Variants in GREB1L observed in about 807,000 individuals in gnomAD.
GREB1L encodes GREB1-like protein.
A neutral mutation model predicts 200.8 loss-of-function variants in GREB1L; 17 were observed. The observed-to-expected ratio is 0.08, with a 90% CI of 0.06 to 0.13. The LOEUF (loss-of-function observed/expected upper bound fraction) is 0.13. GREB1L is among the 10% of genes least tolerant of loss of function. The pLI is 1.00. For synonymous variants in GREB1L, 789 were observed against 893.0 expected (o/e 0.88, Z 2.08); for missense variants, 1,657 against 2,367.7 (o/e 0.70, Z 6.23).
intron 1 of GREB1L, among the ~76,000 whole-genome samples, chr18:21,275,955 A>G: frequency 6.6e-6 from 1 of 152,142 alleles, no homozygotes; most frequent in East Asian, 1.9e-4. Flanking sequence ...TATAAAGAAA[A>G]ATCCACTGTT....
At chr18:21,431,202 T>G (rs2033126199) in intron 7 of GREB1L, among the ~76,000 whole-genome samples, 1 of 151,864 alleles carries the variant, frequency 6.6e-6, no homozygotes, top group African/African-American at 2.4e-5. Context: ...TTTTGTATTT[T>G]TTAGTAGAGA....
At chr18:21,245,586 C>A (rs1422252191) in intron 1 of GREB1L, among the ~76,000 whole-genome samples, 7 of 152,106 alleles carry the variant, frequency 4.6e-5, no homozygotes, top group Non-Finnish European at 7.3e-5. Flanking sequence ...CTATAGCTTA[C>A]TTCCCATTAT....
intron 6 of GREB1L, among the ~76,000 whole-genome samples, chr18:21,402,960 T>C (rs2041379960): frequency 6.6e-6 from 1 of 151,794 alleles, no homozygotes. Context: ...TATGCGTATA[T>C]TACCTATTGG....
intron 7 of GREB1L, among the ~76,000 whole-genome samples, chr18:21,439,261 C>T (rs1235520909): frequency 6.6e-6 from 1 of 152,160 alleles, no homozygotes; most frequent in Non-Finnish European, 1.5e-5. Flanking sequence ...CTTCCTCCCA[C>T]CCATCATCTC....
intron 15 of GREB1L, among the ~76,000 whole-genome samples, chr18:21,458,408 C>T (rs1469979495): frequency 1.3e-5 from 2 of 152,232 alleles, no homozygotes; most frequent in East Asian, 1.9e-4. Context: ...GAAACAGTGT[C>T]CAAGGTCTCT....
At position 21,500,599 on chromosome 18, in the gene GREB1L, G is replaced by C. The variant is rs2036746801; in HGVS notation, c.4029G>C (p.Arg1343Ser). 1 of 1,551,350 alleles carries C rather than the reference G, an allele frequency of 6.4e-7. No individual in the cohort carries two copies. Among genetic ancestry groups the C allele is most frequent in the Non-Finnish European group, 8.7e-7 (1 of 1,146,934 alleles). The stretch of plus-strand genomic sequence containing the variant: ...GGATCCTCTTCCGCATGCTCATCAG[G>C]CTCCTGGAGGTGGACGTGTATGATG... ...FLRILFRMLI[R>S]LLEVDVYDEE... Residue 1343 changes from arginine (R) to serine (S), a missense_variant, in exon 23 of 33, where the codon AGG (arginine) becomes AGC (serine). This residue lies in a region of GREB1L where 512 missense variants were observed against 668.3 expected (regional missense o/e 0.77). Coordinates refer to ENST00000424526, the MANE Select transcript of GREB1L (RefSeq NM_001142966.3).
At chr18:21,453,676 A>G (rs1464409670) in intron 14 of GREB1L, among the ~76,000 whole-genome samples, 1 of 152,196 alleles carries the variant, frequency 6.6e-6, no homozygotes, top group South Asian at 2.1e-4. Flanking sequence ...CCAGCTGGCT[A>G]TGTCATGAGT....
intron 1 of GREB1L, among the ~76,000 whole-genome samples, chr18:21,292,195 A>G (rs1182647337): frequency 6.6e-6 from 1 of 152,202 alleles, no homozygotes; most frequent in Non-Finnish European, 1.5e-5. Flanking sequence ...TGCTACTGGC[A>G]TCAATAAGTA....
intron 1 of GREB1L, among the ~76,000 whole-genome samples, chr18:21,334,583 G>C (rs1289763097): frequency 6.6e-6 from 1 of 152,066 alleles, no homozygotes; most frequent in Non-Finnish European, 1.5e-5. Context: ...GGCTAACACA[G>C]TGAAACCCCG....
chr18:21,515,551 A>C lies in GREB1L; in HGVS notation c.5036A>C (p.Gln1679Pro). 2 of 1,551,702 alleles carry C rather than the reference A, an allele frequency of 1.3e-6. No individual in the cohort carries two copies. Among genetic ancestry groups the C allele is most frequent in the Non-Finnish European group, 1.7e-6 (2 of 1,146,964 alleles). The change falls in exon 29 of 33, where the codon CAG (glutamine) becomes CCG (proline). Residue 1679 changes from glutamine to proline, a missense_variant. Coordinates refer to ENST00000424526, the MANE Select transcript of GREB1L (RefSeq NM_001142966.3). ...IQKWSSKLTS[Q>P]SLKAPFSRCH... ...AAATGGAGCAGCAAGCTGACTTCTC[A>C]GAGCCTAAAGGCCCCATTCTCTAGG...
intron 25 of GREB1L, 127 bp downstream of exon 25, chr18:21,506,076 A>G (rs2037004062): frequency 1.0e-6 from 1 of 1,002,380 alleles, no homozygotes; most frequent in African/African-American, 1.6e-5. Context: ...GTTTACTCAT[A>G]AGAAGGAGCC....
At position 21,490,357 on chromosome 18, in the gene GREB1L, CA is replaced by C. The variant is rs1339770800; in HGVS notation, c.3030+8del. 5 of 1,545,582 alleles carry C rather than the reference CA, an allele frequency of 3.2e-6. No individual in the cohort carries two copies. Among genetic ancestry groups the C allele is most frequent in the Non-Finnish European group, 4.4e-6 (5 of 1,142,004 alleles). Reference sequence around the variant, plus strand: ...ACTTTGTGGCGCGATTAAAGGTTAGCAATGGACAGACATTTCTCCTTTAAAA... The same window carrying C: ...ACTTTGTGGCGCGATTAAAGGTTAGCATGGACAGACATTTCTCCTTTAAAA... On this transcript the variant is annotated splice_region_variant and intron_variant, in intron 19 of 32. Coordinates refer to ENST00000424526, the MANE Select transcript of GREB1L (RefSeq NM_001142966.3).
intron 1 of GREB1L, among the ~76,000 whole-genome samples, chr18:21,264,445 G>C (rs1267506380): frequency 6.6e-6 from 1 of 152,126 alleles, no homozygotes; most frequent in East Asian, 1.9e-4. Context: ...AAATGCATGA[G>C]TAGTTTGGAT....
chr18:21,338,926 C>T (rs558245807), intron 1 of GREB1L, among the ~76,000 whole-genome samples: 16 of 152,346 alleles, frequency 1.1e-4, no homozygotes, highest in African/African-American at 2.9e-4. Context: ...CAGTGGCTTA[C>T]GCCTGTAATC....
At chr18:21,413,782 T>C (rs2031336217) in intron 7 of GREB1L, among the ~76,000 whole-genome samples, 1 of 152,230 alleles carries the variant, frequency 6.6e-6, no homozygotes, top group African/African-American at 2.4e-5. Context: ...GTGAGACTTC[T>C]ATTCCTGCTA....
At chr18:21,400,842 A>G (rs965945003) in intron 5 of GREB1L, among the ~76,000 whole-genome samples, 3 of 152,164 alleles carry the variant, frequency 2.0e-5, no homozygotes, top group Non-Finnish European at 4.4e-5. Flanking sequence ...GCTTTTCATT[A>G]TATTATGTGC....
chr18:21,266,039 AT>A (rs1232700311), intron 1 of GREB1L, among the ~76,000 whole-genome samples: 1 of 152,080 alleles, frequency 6.6e-6, no homozygotes, highest in East Asian at 1.9e-4. Flanking sequence ...CCTTGTTTTA[AT>A]TTCTGTATCT....
intron 23 of GREB1L, among the ~76,000 whole-genome samples, chr18:21,501,373 C>T (rs1042750544): frequency 2.6e-5 from 4 of 151,920 alleles, no homozygotes; most frequent in Admixed American, 6.6e-5. Context: ...TTTTAAGCCC[C>T]GCATGCATTA....
At chr18:21,410,388 G>C (rs777173187) in intron 7 of GREB1L, among the ~76,000 whole-genome samples, 5 of 152,082 alleles carry the variant, frequency 3.3e-5, no homozygotes, top group Non-Finnish European at 7.4e-5. Flanking sequence ...CAGCACGGTG[G>C]CTCATGCCTG....
Sources: allele counts gnomAD v4.1 joint callset (sites outside exome capture counted in the v4.1 genomes callset), GRCh38; gene constraint gnomAD v4.1.1; regional missense constraint gnomAD v4.1.1; transcripts MANE v1.5; gene names NCBI Gene and HGNC (gene_info 2026-07-23, HGNC 2026-07-21).